Variants in AGAP1 observed in about 807,000 individuals in gnomAD.
AGAP1 encodes the protein arf-GAP with GTPase, ANK repeat and PH domain-containing protein 1.
A neutral mutation model predicts 105.3 loss-of-function variants in AGAP1; 29 were observed. The observed-to-expected ratio is 0.28, with a 90% CI of 0.21 to 0.38. The LOEUF is 0.38. AGAP1 is among the 10% of genes least tolerant of loss of function. The pLI is 1.00. For synonymous variants in AGAP1, 509 were observed against 485.9 expected, an observed-to-expected ratio of 1.05 and a Z score of -0.63; for missense variants, 998 against 1,165.1, an observed-to-expected ratio of 0.86 and a Z score of 2.09.
In AGAP1 at chr2:235,882,518, C is replaced by G. The variant is rs577995593; in HGVS notation, c.1051-827C>G. On this transcript the variant is annotated intron_variant, in intron 9 of 17. Transcript: ENST00000304032. The surrounding 1 kb of genome is among the most constrained non-coding windows in gnomAD (Gnocchi z 4.6). ...TTTTCTTAAAACAATCGGTACCATC[C>G]GTGGCGGGCTCTTAGCTCACTGCAA... is the stretch of plus-strand genomic sequence containing the variant. 11 of 1,356,116 alleles carry G rather than the reference C, an allele frequency of 8.1e-6. No individual in the cohort carries two copies. In the East Asian group the frequency reaches 2.7e-4, roughly 33 times the overall value. The allele number at this position is 1,356,116 out of a possible 1,614,324, so 84.0% of individuals were successfully genotyped here.
intron 1 of AGAP1, among the ~76,000 whole-genome samples, chr2:235,525,672 C>A (rs1942806659): frequency 7.6e-6 from 1 of 131,756 alleles, no homozygotes; most frequent in Non-Finnish European, 1.6e-5. Flanking sequence ...ATGTGGAGGA[C>A]TGATTTATAA....
At position 235,855,401 on chromosome 2, in the gene AGAP1, A is replaced by C. The variant is rs1207790020; in HGVS notation, c.1051-27944A>C. ...TTCTAAGCTCTCTTTGCTATACTACATTTAAAGATAATTGCTAAAGTTTCT... is the reference window on the plus strand; with the variant it reads ...TTCTAAGCTCTCTTTGCTATACTACCTTTAAAGATAATTGCTAAAGTTTCT... On this transcript the variant is annotated intron_variant, in intron 9 of 17. Transcript: ENST00000304032. The surrounding 1 kb of genome is among the most constrained non-coding windows in gnomAD (Gnocchi z 5.0). 1.3e-5 allele frequency among the ~76,000 whole-genome samples: 2 copies of C among 152,244 alleles called. No individual in the cohort carries two copies. Among genetic ancestry groups the C allele is most frequent in the Non-Finnish European group, 2.9e-5 (2 of 68,042 alleles).
intron 1 of AGAP1, among the ~76,000 whole-genome samples, chr2:235,501,444 G>A (rs1051145310): frequency 1.3e-5 from 2 of 152,256 alleles, no homozygotes; most frequent in South Asian, 4.1e-4. Context: ...CTGAAAGCGC[G>A]TTTCTGTAAA....
At position 235,517,953 on chromosome 2, in the gene AGAP1, A is replaced by AAAT. The variant is rs1169824976; in HGVS notation, c.163+23106_163+23107insTAA. 1.3e-5 allele frequency among the ~76,000 whole-genome samples: 2 copies of AAAT among 151,170 alleles called. No individual in the cohort carries two copies. Among genetic ancestry groups the AAAT allele is most frequent in the Non-Finnish European group, 3.0e-5 (2 of 67,758 alleles). On this transcript the variant is annotated intron_variant, in intron 1 of 17. Transcript: ENST00000304032. This position sits in a 1 kb window ranked among gnomAD's most constrained non-coding sequence, Gnocchi z 4.1. ...GTTTCAAAAAAAAAAAAAAAGAAAA[A>AAAT]AAAAAGGTAGAACTCATAGTTGCCA...
chr2:235,605,963 T>G (rs1945921209), intron 1 of AGAP1, among the ~76,000 whole-genome samples: 2 of 152,244 alleles, frequency 1.3e-5, no homozygotes, highest in South Asian at 4.1e-4. Flanking sequence ...CTGGTGAAAT[T>G]ACAGAGCTTT....
chr2:235,915,900 T>C (rs549335240), intron 11 of AGAP1, among the ~76,000 whole-genome samples: 1 of 152,136 alleles, frequency 6.6e-6, no homozygotes, highest in African/African-American at 2.4e-5. Flanking sequence ...AAATAAAATC[T>C]TAAAACACAC....
At chr2:235,680,244 G>T (rs1320755528) in intron 1 of AGAP1, among the ~76,000 whole-genome samples, 1 of 152,172 alleles carries the variant, frequency 6.6e-6, no homozygotes, top group Non-Finnish European at 1.5e-5. Context: ...CTTTGTCCGT[G>T]GAAATGAGCT....
rs573989743 is a variant in AGAP1 at position 235,646,727 on chromosome 2, T to G, written c.164-62452T>G. Among the ~76,000 whole-genome samples the G allele has an allele frequency of 9.8e-5, 15 of 152,316 alleles. No homozygotes were observed. The South Asian group carries it at 3.1e-3, about 32-fold the overall frequency. On this transcript the variant is annotated intron_variant, in intron 1 of 17. Transcript: ENST00000304032. ...TTCAAGGTCACTGCTGGAACTGACC[T>G]TTGGGTGCTTGGGCCACCCTTAGGC...
intron 1 of AGAP1, among the ~76,000 whole-genome samples, chr2:235,634,698 C>A (rs186962842): frequency 6.6e-6 from 1 of 152,286 alleles, no homozygotes; most frequent in East Asian, 1.9e-4. Context: ...ATTTTTGTGG[C>A]TTTTTCCTCA....
chr2:235,815,471 G>A (rs1013762110), intron 9 of AGAP1, among the ~76,000 whole-genome samples: 5 of 152,142 alleles, frequency 3.3e-5, no homozygotes, highest in Non-Finnish European at 5.9e-5. Context: ...GTCCCACTGC[G>A]GGTGAGGGCT....
intron 1 of AGAP1, among the ~76,000 whole-genome samples, chr2:235,640,162 T>A (rs79002338): frequency 0.019 from 2,894 of 152,338 alleles, 105 homozygotes; most frequent in African/African-American, 0.065. Context: ...GAAACTCACT[T>A]TGCTGTTTTC....
At chr2:235,653,268 A>T (rs1947658526) in intron 1 of AGAP1, among the ~76,000 whole-genome samples, 1 of 152,050 alleles carries the variant, frequency 6.6e-6, no homozygotes, top group South Asian at 2.1e-4. Context: ...GATCGAGACC[A>T]TCCTGGCTAT....
At chr2:235,597,514 T>C (rs1362953918) in intron 1 of AGAP1, among the ~76,000 whole-genome samples, 1 of 152,200 alleles carries the variant, frequency 6.6e-6, no homozygotes, top group Non-Finnish European at 1.5e-5. Context: ...AAGGGGTGTC[T>C]CCAGCTGTAA....
intron 11 of AGAP1, among the ~76,000 whole-genome samples, chr2:235,922,051 T>C (rs1268877028): frequency 6.6e-6 from 1 of 152,230 alleles, no homozygotes; most frequent in Non-Finnish European, 1.5e-5. Flanking sequence ...CGTCGCCTCC[T>C]TCATCCAGTT....
rs1956834381 is a variant in AGAP1 at position 235,789,284 on chromosome 2, A to G, written c.674-8475A>G. Among the ~76,000 whole-genome samples the G allele has an allele frequency of 1.3e-5, 2 of 152,186 alleles. No individual in the cohort carries two copies. The highest frequency in any genetic ancestry group is 2.9e-5 in the Non-Finnish European group (2 of 68,028). On this transcript the variant is annotated intron_variant, in intron 6 of 17. Coordinates refer to ENST00000304032, the MANE Select transcript of AGAP1 (RefSeq NM_001037131.3). The surrounding 1 kb of genome is among the most constrained non-coding windows in gnomAD (Gnocchi z 4.2). Reference sequence around the variant, plus strand: ...CTAGACATGGTAGAAATTTCCCCTCATTCTAAAATTCTGAAATTAACGTCA... The same window carrying G: ...CTAGACATGGTAGAAATTTCCCCTCGTTCTAAAATTCTGAAATTAACGTCA...
intron 9 of AGAP1, among the ~76,000 whole-genome samples, chr2:235,860,424 G>A (rs545904716): frequency 1.3e-4 from 20 of 151,970 alleles, no homozygotes; most frequent in East Asian, 7.7e-4. Flanking sequence ...TTCTAACTGC[G>A]CAGCTTTCTA....
intron 11 of AGAP1, among the ~76,000 whole-genome samples, chr2:235,912,626 T>G (rs1028415155): frequency 1.3e-5 from 2 of 152,228 alleles, no homozygotes; most frequent in African/African-American, 4.8e-5. Context: ...TGGTTAACAC[T>G]TATTATTGCT....
rs1222787313 is a variant in AGAP1 at position 235,574,697 on chromosome 2, A to G, written c.163+79848A>G. 6.6e-6 allele frequency among the ~76,000 whole-genome samples: 1 copy of G among 152,230 alleles called. No individual in the cohort carries two copies. ...AAAAGGAAGGTCTTTTGCTTTTTAAAGAGACTGTATTAAGAGGAATAATGG... is the reference window on the plus strand; with the variant it reads ...AAAAGGAAGGTCTTTTGCTTTTTAAGGAGACTGTATTAAGAGGAATAATGG... On this transcript the variant is annotated intron_variant, in intron 1 of 17. Transcript: ENST00000304032. This position sits in a 1 kb window ranked among gnomAD's most constrained non-coding sequence, Gnocchi z 5.0.
At chr2:235,818,770 G>A (rs1010231256) in intron 9 of AGAP1, among the ~76,000 whole-genome samples, 2 of 152,038 alleles carry the variant, frequency 1.3e-5, no homozygotes, top group African/African-American at 2.4e-5. Context: ...TAGAGATGGG[G>A]TTTCACCATG....
Sources: gnomAD v4.1 joint callset for allele counts (sites outside exome capture counted in the v4.1 genomes callset) on GRCh38, gnomAD v4.1.1 for gene constraint, Gnocchi (gnomAD v3.1) non-coding constraint, MANE v1.5 for transcripts, NCBI Gene and HGNC (gene_info 2026-07-23, HGNC 2026-07-21) for gene names.